NR1D2: variants seen among roughly 807,000 people sequenced by gnomAD.
NR1D2 encodes the protein nuclear receptor subfamily 1 group D member 2.
A neutral mutation model predicts 52.2 loss-of-function variants in NR1D2; 25 were observed. The ratio of observed to expected loss-of-function variants is 0.48; its 90% CI spans 0.35 to 0.67. The LOEUF is 0.67. Ranked by LOEUF, NR1D2 falls within the 30% of genes least tolerant of loss-of-function variation. The pLI, the probability that NR1D2 is intolerant of heterozygous loss-of-function variation, is 0.01. For synonymous variants in NR1D2, 259 were observed against 230.1 expected (o/e 1.13, Z -1.14); for missense variants, 681 against 707.2 (o/e 0.96, Z 0.42).
chr3:23,975,138 T>G (rs1475171504), intron 7 of NR1D2, among the ~76,000 whole-genome samples: 2 of 151,996 alleles, frequency 1.3e-5, no homozygotes, highest in African/African-American at 4.8e-5. Context: ...TTTTATTTTT[T>G]GAGACAGCAT....
At position 23,977,237 on chromosome 3, in the gene NR1D2, G is replaced by A; in HGVS notation, c.1558G>A (p.Glu520Lys). The A allele has an allele frequency of 1.3e-6, 2 of 1,590,116 alleles. No homozygotes were observed. Among genetic ancestry groups the A allele is most frequent in the Non-Finnish European group, 1.7e-6 (2 of 1,170,590 alleles). ...VLVSADRSGI[E>K]NVNSVEALQE... ...ATCTCTCTTAGATCGATCTGGAATA[G>A]AAAACGTCAACTCTGTGGAGGCTTT... The change falls in exon 8 of 8, where the codon GAA becomes AAA. Residue 520 changes from glutamate (E) to lysine (K), a missense_variant. Coordinates refer to ENST00000312521, the MANE Select transcript of NR1D2 (RefSeq NM_005126.5).
At position 23,971,302 on chromosome 3, in the gene NR1D2, TA is replaced by T. The variant is rs1706583067; in HGVS notation, c.1543+3280del. Among the ~76,000 whole-genome samples the T allele has an allele frequency of 7.3e-5, 9 of 124,006 alleles. 1 individual carries two copies. Among genetic ancestry groups the T allele is most frequent in the South Asian group, 2.6e-4 (1 of 3,808 alleles). 81.4% of individuals were successfully genotyped at this position (124,006 alleles called of 152,430 possible). ...AATATAATGCTTATATCTCTATACC[TA>T]TTTTTTTTTTTTTTTTTTTTGAGAC... is the stretch of plus-strand genomic sequence containing the variant. On this transcript the variant is annotated intron_variant, in intron 7 of 7. Coordinates refer to ENST00000312521, the MANE Select transcript of NR1D2 (RefSeq NM_005126.5).
At chr3:23,960,373 C>CTT (rs1474556807) in intron 4 of NR1D2, among the ~76,000 whole-genome samples, 1 of 152,176 alleles carries the variant, frequency 6.6e-6, no homozygotes, top group Non-Finnish European at 1.5e-5. Flanking sequence ...CCACTGCACT[C>CTT]TAACCTGGGT....
rs1706765781 is a variant in NR1D2, at chr3:23,977,560, A to G, written c.*141A>G. ...TTGTAGGCTATCTCTGTAATCATGC[A>G]ATAGCTGTTCGGATTGAGAACTCTT... On this transcript the variant is annotated 3_prime_UTR_variant, in exon 8 of 8. Transcript: ENST00000312521. 2.0e-6 allele frequency: 1 copy of G among 500,232 alleles called. No homozygotes were observed. The highest frequency in any genetic ancestry group is 1.9e-5 in the African/African-American group (1 of 51,326). 31.0% of individuals were successfully genotyped at this position (500,232 alleles called of 1,614,324 possible). A position where few individuals can be genotyped will look rare whatever the true frequency, so the allele number is the denominator to read the frequency against.
intron 2 of NR1D2, 126 bp downstream of exon 2, chr3:23,954,929 A>T: frequency 1.3e-6 from 1 of 795,582 alleles, no homozygotes; most frequent in South Asian, 1.7e-5. Context: ...GGGTAATCAT[A>T]CATCAGTAGT....
intron 7 of NR1D2, among the ~76,000 whole-genome samples, chr3:23,969,691 C>G (rs35962983): frequency 6.6e-6 from 1 of 152,010 alleles, no homozygotes; most frequent in African/African-American, 2.4e-5. Context: ...AAGGCACAAG[C>G]TTGCTAAGTG....
In NR1D2 at chr3:23,945,594, G is replaced by A. The variant is rs1326251626; in HGVS notation, c.16G>A (p.Gly6Arg). The change falls in exon 1 of 8, where the codon GGA becomes AGA. Residue 6 changes from glycine (G) to arginine (R), a missense_variant and splice_region_variant. Coordinates refer to ENST00000312521, the MANE Select transcript of NR1D2 (RefSeq NM_005126.5). ...CGAGGGCACCATGGAGGTGAATGCAGGTAAGAACCGGACTGCGGCGGGTGG... is the reference window on the plus strand; with the variant it reads ...CGAGGGCACCATGGAGGTGAATGCAAGTAAGAACCGGACTGCGGCGGGTGG... MEVNAGGVIAYISSSS... is the reference protein window; with the variant it reads MEVNARGVIAYISSSS... The A allele has an allele frequency of 5.4e-5, 63 of 1,177,192 alleles. No homozygotes were observed. Among genetic ancestry groups the A allele is most frequent in the Non-Finnish European group, 6.7e-5 (63 of 945,624 alleles). The allele number at this position is 1,177,192 out of a possible 1,614,324, so 72.9% of individuals were successfully genotyped here. A position where few individuals can be genotyped will look rare whatever the true frequency, so the allele number is the denominator to read the frequency against.
At chr3:23,967,240 T>C (rs1221510375) in intron 6 of NR1D2, among the ~76,000 whole-genome samples, 3 of 151,882 alleles carry the variant, frequency 2.0e-5, no homozygotes, top group Non-Finnish European at 2.9e-5. Context: ...GGAGAATCGC[T>C]TGAACCCAGG....
At chr3:23,952,832 T>G (rs1705975384) in intron 1 of NR1D2, among the ~76,000 whole-genome samples, 1 of 152,002 alleles carries the variant, frequency 6.6e-6, no homozygotes, top group Non-Finnish European at 1.5e-5. Flanking sequence ...CCCTTGAGAG[T>G]TGTGGTTGTG....
chr3:23,966,441 C>A (rs1192476844), intron 6 of NR1D2, among the ~76,000 whole-genome samples: 1 of 152,206 alleles, frequency 6.6e-6, no homozygotes, highest in African/African-American at 2.4e-5. Flanking sequence ...GCTTCCTTTG[C>A]CTTGGCTGCA....
chr3:23,959,883 C>T (rs1292704851), intron 4 of NR1D2, 68 bp downstream of exon 4: 1 of 1,475,494 alleles, frequency 6.8e-7, no homozygotes, highest in Non-Finnish European at 9.1e-7. Flanking sequence ...CATCATGAAC[C>T]AGAGCTATAA....
intron 7 of NR1D2, among the ~76,000 whole-genome samples, chr3:23,974,931 G>A (rs1383821499): frequency 6.6e-6 from 1 of 151,096 alleles, no homozygotes; most frequent in Non-Finnish European, 1.5e-5. Flanking sequence ...TGATTCTTGA[G>A]CCTCAGCCTT....
intron 7 of NR1D2, among the ~76,000 whole-genome samples, chr3:23,976,733 G>C (rs1188854887): frequency 6.6e-6 from 1 of 152,160 alleles, no homozygotes; most frequent in Non-Finnish European, 1.5e-5. Context: ...TTAGAAGTTA[G>C]TAAGTCTAGG....
At chr3:23,974,482 G>T (rs529406157) in intron 7 of NR1D2, among the ~76,000 whole-genome samples, 1 of 152,190 alleles carries the variant, frequency 6.6e-6, no homozygotes, top group East Asian at 1.9e-4. Context: ...TTGTTACGTG[G>T]CACATGACTA....
chr3:23,972,314 T>TC (rs1247328273), intron 7 of NR1D2, among the ~76,000 whole-genome samples: 2 of 152,222 alleles, frequency 1.3e-5, no homozygotes, highest in Admixed American at 1.3e-4. Context: ...GTATTTGAAC[T>TC]CCCATTAGTC....
chr3:23,952,456 T>C (rs1004300022), intron 1 of NR1D2, among the ~76,000 whole-genome samples: 7 of 152,182 alleles, frequency 4.6e-5, no homozygotes, highest in African/African-American at 1.7e-4. Flanking sequence ...ACACCTGTAA[T>C]CTCAGCACTT....
chr3:23,967,709 C>CTT (rs1382643017), intron 6 of NR1D2, 104 bp from the exon 7 acceptor site: 3 of 846,816 alleles, frequency 3.5e-6, no homozygotes, highest in Non-Finnish European at 5.3e-6. Context: ...TTATAACTTT[C>CTT]TTTTATATGT....
chr3:23,976,024 T>C (rs1002687104), intron 7 of NR1D2, among the ~76,000 whole-genome samples: 2 of 152,216 alleles, frequency 1.3e-5, no homozygotes, highest in African/African-American at 4.8e-5. Context: ...TGGGGGACCA[T>C]TGAATATTTT....
intron 1 of NR1D2, among the ~76,000 whole-genome samples, chr3:23,951,836 A>G (rs1192427188): frequency 6.6e-6 from 1 of 152,220 alleles, no homozygotes; most frequent in Non-Finnish European, 1.5e-5. Context: ...AGCACCAGCT[A>G]GTTTTGAGGA....
Sources: gnomAD v4.1 joint callset for allele counts (sites outside exome capture counted in the v4.1 genomes callset) on GRCh38, gnomAD v4.1.1 for gene constraint, MANE v1.5 for transcripts, NCBI Gene and HGNC (gene_info 2026-07-23, HGNC 2026-07-21) for gene names.